The following ABTB2 variants were observed in gnomAD, a reference collection of about 807,000 sequenced individuals.
ABTB2 encodes ankyrin repeat and BTB/POZ domain-containing protein 2.
In ABTB2, 56 loss-of-function variants were observed where a neutral mutation model predicts 104.1. That is an observed-to-expected ratio of 0.54 (90% CI 0.43 to 0.67). The LOEUF (loss-of-function observed/expected upper bound fraction) is 0.67, where lower values mean the gene tolerates loss of function less well. ABTB2 is among the 30% of genes least tolerant of loss of function. The pLI is 0.00. For missense variants in ABTB2, 1,279 were observed against 1,407.7 expected (o/e 0.91, Z 1.46); for synonymous variants, 606 against 608.2 (o/e 1.00, Z 0.05).
rs377390392 is a variant in ABTB2, at chr11:34,167,321, C to T, written c.1693G>A (p.Asp565Asn). ...NSPRHPSIHP[D>N]SRHWTSLTFA... is the part of the protein sequence containing the mutation. ...GTCAGTGAGGTCCAGTGCCGGCTGTCGGGGTGGATGGAAGGGTGCCTGGGG... is the reference window on the plus strand; with the variant it reads ...GTCAGTGAGGTCCAGTGCCGGCTGTTGGGGTGGATGGAAGGGTGCCTGGGG... Residue 565 changes from aspartate (D) to asparagine (N), a missense_variant, in exon 7 of 17, where the codon GAC becomes AAC. Transcript: ENST00000435224. 81 of 1,613,228 alleles carry T rather than the reference C, an allele frequency of 5.0e-5. No individual in the cohort carries two copies. The highest frequency in any genetic ancestry group is 1.3e-4 in the East Asian group (6 of 44,874).
At chr11:34,253,675 CA>C (rs148748716) in intron 1 of ABTB2, among the ~76,000 whole-genome samples, 40,737 of 129,798 alleles carry the variant, frequency 0.31, 5,682 homozygotes, top group South Asian at 0.36. Flanking sequence ...GATTCCGTCT[CA>C]AAAAAAAAAA....
chr11:34,304,147 G>A (rs912037830), intron 1 of ABTB2, among the ~76,000 whole-genome samples: 10 of 152,316 alleles, frequency 6.6e-5, no homozygotes, highest in African/African-American at 2.4e-4. Context: ...TGCTGTATAT[G>A]CTATCTGCCC....
intron 1 of ABTB2, among the ~76,000 whole-genome samples, chr11:34,283,075 ATTT>A (rs34343413): frequency 5.5e-4 from 76 of 139,156 alleles, no homozygotes; most frequent in African/African-American, 1.6e-3. Flanking sequence ...TGCCCAGCTA[ATTT>A]TTTTTTTTTT....
intron 1 of ABTB2, among the ~76,000 whole-genome samples, chr11:34,247,308 C>T (rs1853997530): frequency 6.6e-6 from 1 of 152,176 alleles, no homozygotes; most frequent in South Asian, 2.1e-4. Context: ...ACAGCTGGTC[C>T]CTGACTTATG....
At chr11:34,230,142 A>G (rs918426803) in intron 1 of ABTB2, among the ~76,000 whole-genome samples, 1 of 152,236 alleles carries the variant, frequency 6.6e-6, no homozygotes, top group Non-Finnish European at 1.5e-5. Flanking sequence ...TCGCATATGC[A>G]TGCGCAAACA....
At chr11:34,322,777 T>C (rs1225537652) in intron 1 of ABTB2, among the ~76,000 whole-genome samples, 1 of 152,072 alleles carries the variant, frequency 6.6e-6, no homozygotes, top group East Asian at 1.9e-4. Context: ...GCTCAAGTGA[T>C]CCTCCAACTT....
chr11:34,281,660 T>C (rs1192033130), intron 1 of ABTB2, among the ~76,000 whole-genome samples: 1 of 152,156 alleles, frequency 6.6e-6, no homozygotes, highest in African/African-American at 2.4e-5. Context: ...ACAAGGAAGC[T>C]GCACCACCGA....
chr11:34,195,938 C>A (rs1426062937), intron 3 of ABTB2, among the ~76,000 whole-genome samples: 1 of 152,186 alleles, frequency 6.6e-6, no homozygotes, highest in Admixed American at 6.5e-5. Flanking sequence ...GCCCCTGGGA[C>A]TTCCAATATT....
At chr11:34,300,436 A>G (rs1854689262) in intron 1 of ABTB2, among the ~76,000 whole-genome samples, 1 of 152,250 alleles carries the variant, frequency 6.6e-6, no homozygotes. Context: ...CCAGGCTGCA[A>G]GTTCCAGTGC....
intron 1 of ABTB2, among the ~76,000 whole-genome samples, chr11:34,307,383 C>T (rs1854790300): frequency 6.6e-6 from 1 of 152,190 alleles, no homozygotes; most frequent in East Asian, 1.9e-4. Flanking sequence ...CATCTTCCCC[C>T]ACCTCCTCAT....
rs370118121 is a variant in ABTB2 at position 34,173,210 on chromosome 11, G to A, written c.1342C>T (p.Arg448Trp). The change falls in exon 4 of 17, where the codon CGG becomes TGG. Residue 448 changes from arginine to tryptophan, a missense_variant. By Grantham distance (101) the Arg-to-Trp change is moderately radical (BLOSUM62 -3). Coordinates refer to ENST00000435224, the MANE Select transcript of ABTB2 (RefSeq NM_145804.3). ...RSLTVDSGDI[R>W]QAARLLLPGL... ...GGCAGCAGCAGCCGGGCTGCCTGCCGGATGTCGCCGCTGTCCACGGTGAGG... is the reference window on the plus strand; with the variant it reads ...GGCAGCAGCAGCCGGGCTGCCTGCCAGATGTCGCCGCTGTCCACGGTGAGG... 11 of 1,613,572 alleles carry A rather than the reference G, an allele frequency of 6.8e-6. No individual in the cohort carries two copies. Among genetic ancestry groups the A allele is most frequent in the East Asian group, 4.5e-5 (2 of 44,886 alleles).
At chr11:34,164,865 C>G in intron 8 of ABTB2, 44 bp from the exon 9 acceptor site, 1 of 1,565,706 alleles carries the variant, frequency 6.4e-7, no homozygotes, top group Non-Finnish European at 8.6e-7. Flanking sequence ...GAGACAGTAG[C>G]CGCCAGGGCA....
At chr11:34,345,504 G>A (rs1855319822) in intron 1 of ABTB2, among the ~76,000 whole-genome samples, 8 of 152,014 alleles carry the variant, frequency 5.3e-5, no homozygotes, top group Admixed American at 5.2e-4. Flanking sequence ...AGAACTCCTG[G>A]CCTCTCCCCT....
chr11:34,273,559 G>C (rs1258353753), intron 1 of ABTB2, among the ~76,000 whole-genome samples: 1 of 152,148 alleles, frequency 6.6e-6, no homozygotes, highest in Non-Finnish European at 1.5e-5. Context: ...TCCTCCATCT[G>C]AACTGTGGCC....
At chr11:34,190,113 G>T (rs1853153388) in intron 3 of ABTB2, among the ~76,000 whole-genome samples, 2 of 152,102 alleles carry the variant, frequency 1.3e-5, no homozygotes, top group Admixed American at 6.5e-5. Flanking sequence ...GGTGGCATGT[G>T]CCTATAATCC....
intron 1 of ABTB2, among the ~76,000 whole-genome samples, chr11:34,315,827 G>A (rs1854921824): frequency 6.6e-6 from 1 of 152,194 alleles, no homozygotes; most frequent in African/African-American, 2.4e-5. Flanking sequence ...GGCTCTCAGT[G>A]CTTCTGACAC....
chr11:34,261,488 A>G (rs1183267586), intron 1 of ABTB2, among the ~76,000 whole-genome samples: 1 of 139,482 alleles, frequency 7.2e-6, no homozygotes, highest in Non-Finnish European at 1.5e-5. Flanking sequence ...CATTATATAA[A>G]AAAGTACTTT....
At chr11:34,162,882 C>T in intron 9 of ABTB2, 77 bp from the exon 10 acceptor site, 1 of 1,389,858 alleles carries the variant, frequency 7.2e-7, no homozygotes, top group Non-Finnish European at 9.7e-7. Context: ...CCCCAGTGCC[C>T]TCCTGCCCCG....
At chr11:34,221,969 T>C (rs1853629519) in intron 1 of ABTB2, among the ~76,000 whole-genome samples, 3 of 152,114 alleles carry the variant, frequency 2.0e-5, no homozygotes, top group Admixed American at 1.3e-4. Context: ...AGCTTGAACC[T>C]GGGAGGCGGA....
Sources: allele counts gnomAD v4.1 joint callset (sites outside exome capture counted in the v4.1 genomes callset), GRCh38; gene constraint gnomAD v4.1.1; transcripts MANE v1.5; gene names NCBI Gene and HGNC (gene_info 2026-07-23, HGNC 2026-07-21).